Variants in ABTB3 observed in about 807,000 individuals in gnomAD.
ABTB3 encodes the protein ankyrin repeat and BTB domain containing 3.
chr12:107,342,460 G>A, the ABTB3 span, among the ~76,000 whole-genome samples: 2 of 152,136 alleles, frequency 1.3e-5, no homozygotes, highest in African/African-American at 4.8e-5. Context: ...GGCCAGAGCT[G>A]TCCTGTTTCA....
the ABTB3 span, among the ~76,000 whole-genome samples, chr12:107,471,841 G>A: frequency 1.3e-5 from 2 of 152,146 alleles, no homozygotes; most frequent in Admixed American, 6.5e-5. Context: ...TTGCTCTGAA[G>A]CTTTCTACAT....
the ABTB3 span, among the ~76,000 whole-genome samples, chr12:107,493,205 G>C: frequency 1.3e-5 from 2 of 152,162 alleles, no homozygotes; most frequent in Non-Finnish European, 2.9e-5. Flanking sequence ...GTCCTTGCAG[G>C]GAAGCATGGG....
the ABTB3 span, among the ~76,000 whole-genome samples, chr12:107,527,123 C>A: frequency 2.6e-5 from 4 of 152,066 alleles, no homozygotes; most frequent in African/African-American, 9.7e-5. Flanking sequence ...GCCCCACCCA[C>A]CTACCCCTCC....
the ABTB3 span, among the ~76,000 whole-genome samples, chr12:107,366,995 G>A: frequency 6.6e-6 from 1 of 152,168 alleles, no homozygotes; most frequent in East Asian, 1.9e-4. Flanking sequence ...TTTGTCCTTT[G>A]CTGAGAACCT....
the ABTB3 span, among the ~76,000 whole-genome samples, chr12:107,573,166 T>TTG: frequency 6.6e-6 from 1 of 152,200 alleles, no homozygotes; most frequent in African/African-American, 2.4e-5. Context: ...AAGTGGTGTA[T>TTG]TGTGCATAAT....
At chr12:107,527,030 G>T in the ABTB3 span, among the ~76,000 whole-genome samples, 1 of 151,908 alleles carries the variant, frequency 6.6e-6, no homozygotes, top group African/African-American at 2.4e-5. Flanking sequence ...TGCCTGAAAA[G>T]CTCTTCCCCT....
the ABTB3 span, among the ~76,000 whole-genome samples, chr12:107,418,155 G>A: frequency 2.0e-5 from 3 of 152,220 alleles, no homozygotes; most frequent in Admixed American, 1.3e-4. Context: ...ATCTGGGTGA[G>A]CACCATCTAA....
At chr12:107,458,126 A>G in the ABTB3 span, among the ~76,000 whole-genome samples, 1 of 152,222 alleles carries the variant, frequency 6.6e-6, no homozygotes, top group Non-Finnish European at 1.5e-5. Context: ...CATTGCTGAG[A>G]CTATGTCAAG....
the ABTB3 span, among the ~76,000 whole-genome samples, chr12:107,357,854 T>C: frequency 1.3e-5 from 2 of 152,238 alleles, no homozygotes; most frequent in Non-Finnish European, 2.9e-5. Context: ...TGGTAGTTGG[T>C]ATTTCTGGGC....
the ABTB3 span, chr12:107,657,437 C>G: frequency 7.7e-7 from 1 of 1,291,738 alleles, no homozygotes; most frequent in South Asian, 1.2e-5. Context: ...CCATCATTAG[C>G]TCTGAAGGCA....
chr12:107,621,524 T>C, the ABTB3 span, among the ~76,000 whole-genome samples: 3 of 152,248 alleles, frequency 2.0e-5, no homozygotes, highest in African/African-American at 7.2e-5. Context: ...CCAGAATTTA[T>C]TGAGACATTC....
chr12:107,610,452 TG>T, the ABTB3 span: 1 of 1,415,336 alleles, frequency 7.1e-7, no homozygotes, highest in Non-Finnish European at 9.7e-7. Context: ...CTGCAGGCGC[TG>T]GGCAGAGGCT....
At chr12:107,618,478 A>G in the ABTB3 span, 1 of 1,007,618 alleles carries the variant, frequency 9.9e-7, no homozygotes, top group Non-Finnish European at 1.4e-6. Context: ...CACATGCAAA[A>G]CACGCACATG....
the ABTB3 span, among the ~76,000 whole-genome samples, chr12:107,516,170 T>C: frequency 1.3e-5 from 2 of 152,054 alleles, no homozygotes; most frequent in East Asian, 3.9e-4. Context: ...CATTGACTAA[T>C]TTCCTGATTA....
the ABTB3 span, among the ~76,000 whole-genome samples, chr12:107,361,792 G>T: frequency 1.3e-5 from 2 of 152,120 alleles, no homozygotes; most frequent in Non-Finnish European, 2.9e-5. Context: ...TTGGAGGTTT[G>T]TGTCCCACCC....
the ABTB3 span, among the ~76,000 whole-genome samples, chr12:107,428,764 C>A: frequency 1.3e-5 from 2 of 152,216 alleles, no homozygotes; most frequent in Non-Finnish European, 2.9e-5. Context: ...TGTGAAGAGG[C>A]AAAATCCAAT....
chr12:107,419,588 GCT>G, the ABTB3 span, among the ~76,000 whole-genome samples: 3 of 152,070 alleles, frequency 2.0e-5, no homozygotes, highest in Admixed American at 2.0e-4. Context: ...GTCTACAGCC[GCT>G]CTCTGTCTCC....
the ABTB3 span, among the ~76,000 whole-genome samples, chr12:107,491,460 G>A: frequency 1.3e-5 from 2 of 152,188 alleles, no homozygotes; most frequent in Non-Finnish European, 2.9e-5. Flanking sequence ...GGCTGCAAAG[G>A]AAGGAAATTC....
the ABTB3 span, among the ~76,000 whole-genome samples, chr12:107,357,785 A>G: frequency 6.6e-6 from 1 of 152,232 alleles, no homozygotes; most frequent in Non-Finnish European, 1.5e-5. Flanking sequence ...CTGTCCACTC[A>G]GACTACATGT....
Sources: gnomAD v4.1 joint callset for allele counts (sites outside exome capture counted in the v4.1 genomes callset) on GRCh38, gnomAD v4.1.1 for gene constraint, MANE v1.5 for transcripts, NCBI Gene and HGNC (gene_info 2026-07-23, HGNC 2026-07-21) for gene names.